Variants in PLXNA2 observed in about 807,000 individuals in gnomAD.
PLXNA2 encodes plexin-A2.
PLXNA2 carries 91 observed loss-of-function variants against 193.5 expected under a neutral mutation model. The observed-to-expected ratio is 0.47, with a 90% CI of 0.40 to 0.56. The LOEUF is 0.56. Ranked by LOEUF, PLXNA2 falls within the 20% of genes least tolerant of loss-of-function variation. PLXNA2 has a pLI of 0.00. For missense variants in PLXNA2, 1,995 were observed against 2,503.2 expected (o/e 0.80, Z 4.33); for synonymous variants, 997 against 1,027.3 (o/e 0.97, Z 0.56).
intron 4 of PLXNA2, among the ~76,000 whole-genome samples, chr1:208,140,044 C>A (rs1668417201): frequency 6.6e-6 from 1 of 152,204 alleles, no homozygotes; most frequent in African/African-American, 2.4e-5. Context: ...TGGCATGAAA[C>A]CCAAATTCTT....
At chr1:208,084,908 C>G (rs1484674781) in intron 9 of PLXNA2, among the ~76,000 whole-genome samples, 2 of 152,174 alleles carry the variant, frequency 1.3e-5, no homozygotes, top group Non-Finnish European at 2.9e-5. Flanking sequence ...CAACCTGGCA[C>G]CCCTACCTCT....
intron 28 of PLXNA2, among the ~76,000 whole-genome samples, chr1:208,032,701 G>T (rs997206853): frequency 6.6e-6 from 1 of 152,154 alleles, no homozygotes; most frequent in Non-Finnish European, 1.5e-5. Context: ...ATCAACATTT[G>T]GGGGTAGCTG....
chr1:208,071,903 A>C (rs1665990271), intron 12 of PLXNA2, among the ~76,000 whole-genome samples: 1 of 152,182 alleles, frequency 6.6e-6, no homozygotes. Flanking sequence ...TTTCCTGCAG[A>C]GATTTGGTGC....
At position 208,244,273 on chromosome 1, in the gene PLXNA2, C is replaced by A; in HGVS notation, c.-711G>T. ...CTCCCGCTCCAGTCTGGCGCGGATG[C>A]CGCTCCTCCCGGCAGCTCTGGCTCC... On this transcript the variant is annotated 5_prime_UTR_variant, in exon 1 of 32. Transcript: ENST00000367033. The A allele has an allele frequency of 5.1e-6, 1 of 195,156 alleles. No homozygotes were observed. 12.1% of individuals were successfully genotyped at this position (195,156 alleles called of 1,614,324 possible).
intron 1 of PLXNA2, chr1:208,230,071 G>A (rs1671639880): frequency 6.6e-6 from 1 of 152,220 alleles, no homozygotes; most frequent in Non-Finnish European, 1.5e-5. Context: ...GAGAATCAAT[G>A]AGATAATGGA....
chr1:208,057,154 T>C (rs1665456585), intron 13 of PLXNA2, among the ~76,000 whole-genome samples: 1 of 152,236 alleles, frequency 6.6e-6, no homozygotes, highest in Non-Finnish European at 1.5e-5. Context: ...AGTTTACTGA[T>C]TCTGCCAGGC....
chr1:208,108,091 C>CCACA (rs1667331677), intron 4 of PLXNA2, among the ~76,000 whole-genome samples: 1 of 152,152 alleles, frequency 6.6e-6, no homozygotes, highest in African/African-American at 2.4e-5. Flanking sequence ...TTCAGCGGGG[C>CCACA]TGAAGATACA....
intron 3 of PLXNA2, among the ~76,000 whole-genome samples, chr1:208,207,642 A>G (rs1267112816): frequency 1.3e-5 from 2 of 151,130 alleles, no homozygotes; most frequent in Non-Finnish European, 2.9e-5. Context: ...TTTTTTCTTT[A>G]TTTTCCTTCC....
chr1:208,096,122 C>T lies in PLXNA2; in HGVS notation c.1889G>A (p.Trp630Ter). The T allele has an allele frequency of 6.2e-7, 1 of 1,613,618 alleles. No individual in the cohort carries two copies. The highest frequency in any genetic ancestry group is 8.5e-7 in the Non-Finnish European group (1 of 1,179,584). The change falls in exon 8 of 32, where the codon TGG becomes TAG. Residue 630 changes from tryptophan (W) to a stop codon, truncating the protein, a stop_gained. Transcript: ENST00000367033. LOFTEE classifies it high-confidence loss of function. Reference sequence around the variant, plus strand: ...CCTCAGCTGTAGCTCCAGCCCAAACCAGTCTGGAAAAACAAACAAAAAAGG... The same window carrying T: ...CCTCAGCTGTAGCTCCAGCCCAAACTAGTCTGGAAAAACAAACAAAAAAGG... ...DVPVIPLDQD[W>*]FGLELQLRSK...
In PLXNA2 at chr1:208,046,044, A is replaced by T; in HGVS notation, c.3329T>A (p.Leu1110Gln). 1.2e-6 allele frequency: 2 copies of T among 1,614,268 alleles called. No homozygotes were observed. The highest frequency in any genetic ancestry group is 2.7e-5 in the African/African-American group (2 of 75,074). ...CTCATCTGGGCGTTCCACAGTGTCC[A>T]GGCCAGGGCGGTAGTCCGTGGTCAG... ...PSLTTDYRPGLDTVERPDEFG... is the reference protein window; with the variant it reads ...PSLTTDYRPGQDTVERPDEFG... The change falls in exon 18 of 32, where the codon CTG becomes CAG. Residue 1110 changes from leucine (L) to glutamine (Q), a missense_variant. By Grantham distance (113) the Leu-to-Gln change is moderately radical. Around this residue, in one of 3 missense-constraint regions of PLXNA2, gnomAD observed 1,291 missense variants for 1,673.6 expected, o/e 0.77. Coordinates refer to ENST00000367033, the MANE Select transcript of PLXNA2 (RefSeq NM_025179.4).
intron 4 of PLXNA2, among the ~76,000 whole-genome samples, chr1:208,136,392 C>T (rs1668302230): frequency 6.6e-6 from 1 of 152,216 alleles, no homozygotes. Flanking sequence ...TGAATGTTCA[C>T]TACCTGGAGA....
At chr1:208,156,059 G>A (rs1202076038) in intron 3 of PLXNA2, among the ~76,000 whole-genome samples, 1 of 152,174 alleles carries the variant, frequency 6.6e-6, no homozygotes, top group Non-Finnish European at 1.5e-5. Context: ...CCCTGGGGCA[G>A]CAAAATCCAA....
chr1:208,178,038 T>C (rs1381031534), intron 3 of PLXNA2, among the ~76,000 whole-genome samples: 1 of 152,170 alleles, frequency 6.6e-6, no homozygotes, highest in Non-Finnish European at 1.5e-5. Context: ...CTCCTGGTAA[T>C]AGAAGATGAT....
chr1:208,034,505 T>C lies in PLXNA2; in HGVS notation c.4852A>G (p.Ile1618Val). 6.2e-7 allele frequency: 1 copy of C among 1,612,942 alleles called. No individual in the cohort carries two copies. Reference sequence around the variant, plus strand: ...TCGTGGTTCTCACCGTATCTGCTGATGGACGTCCGGGAGATGCTGGCAGAG... The same window carrying C: ...TCGTGGTTCTCACCGTATCTGCTGACGGACGTCCGGGAGATGCTGGCAGAG... ...PASASISRTSISRYDSSFRYT... is the reference protein window; with the variant it reads ...PASASISRTSVSRYDSSFRYT... The change falls in exon 27 of 32, where the codon ATC becomes GTC. Residue 1618 changes from isoleucine to valine, a missense_variant. Ile to Val is a conservative substitution (Grantham distance 29, BLOSUM62 3). Transcript: ENST00000367033.
intron 2 of PLXNA2, among the ~76,000 whole-genome samples, chr1:208,211,493 A>T (rs908636032): frequency 2.6e-5 from 4 of 152,174 alleles, no homozygotes; most frequent in African/African-American, 9.7e-5. Flanking sequence ...GGAGATCGAG[A>T]CCATTCTGGC....
chr1:208,139,472 A>T (rs909343813), intron 4 of PLXNA2, among the ~76,000 whole-genome samples: 2 of 152,184 alleles, frequency 1.3e-5, no homozygotes, highest in African/African-American at 2.4e-5. Context: ...GGGCAGTATA[A>T]AAAGAAATTC....
chr1:208,231,547 T>C (rs544594914), intron 1 of PLXNA2, among the ~76,000 whole-genome samples: 5 of 152,140 alleles, frequency 3.3e-5, no homozygotes, highest in Non-Finnish European at 7.3e-5. Flanking sequence ...CCAGATGCAT[T>C]CCATGCCCTT....
At chr1:208,229,913 C>T (rs875044) in intron 1 of PLXNA2, among the ~76,000 whole-genome samples, 22,843 of 152,136 alleles carry the variant, frequency 0.15, 2,216 homozygotes, top group Middle Eastern at 0.24. Context: ...CGCTGGATGG[C>T]GCAGAGAAAA....
At position 208,045,952 on chromosome 1, in the gene PLXNA2, G is replaced by A. The variant is rs769258992; in HGVS notation, c.3421C>T (p.Pro1141Ser). 1 of 1,614,260 alleles carries A rather than the reference G, an allele frequency of 6.2e-7. No individual in the cohort carries two copies. The highest frequency in any genetic ancestry group is 1.1e-5 in the South Asian group (1 of 91,088). Residue 1141 changes from proline to serine, a missense_variant, in exon 18 of 32, where the codon CCC (proline) becomes TCC (serine). Pro to Ser is a moderately conservative substitution (Grantham distance 74). Around this residue, in one of 3 missense-constraint regions of PLXNA2, gnomAD observed 1,291 missense variants for 1,673.6 expected, o/e 0.77. Coordinates refer to ENST00000367033, the MANE Select transcript of PLXNA2 (RefSeq NM_025179.4). ...IYNDTKFIYY[P>S]NPTFELLSPT... ...CTAAGCAGTTCAAAGGTCGGGTTGG[G>A]GTAGTAGATAAACTTGGTGTCGTTG...
Sources: gnomAD v4.1 joint callset for allele counts (sites outside exome capture counted in the v4.1 genomes callset) on GRCh38, gnomAD v4.1.1 for gene constraint, gnomAD v4.1.1 regional missense constraint, MANE v1.5 for transcripts, NCBI Gene and HGNC (gene_info 2026-07-23, HGNC 2026-07-21) for gene names.